RBFOX1: variants seen among roughly 807,000 people sequenced by gnomAD.
The protein encoded by RBFOX1 is RNA binding fox-1 homolog 1, also known as RNA binding protein fox-1 homolog 1.
RBFOX1 carries 8 observed loss-of-function variants against 57.7 expected under a neutral mutation model. The ratio of observed to expected loss-of-function variants is 0.14; its 90% CI spans 0.08 to 0.25. The LOEUF is 0.25. Ranked by LOEUF, RBFOX1 falls within the 10% of genes least tolerant of loss-of-function variation. The pLI is 1.00. For synonymous variants in RBFOX1, 326 were observed against 222.4 expected (o/e 1.47, Z -4.15); for missense variants, 611 against 548.5 (o/e 1.11, Z -1.14).
chr16:6,019,575 C>A lies in RBFOX1; in HGVS notation c.-544C>A. The A allele has an allele frequency of 1.7e-6, 2 of 1,169,252 alleles. No individual in the cohort carries two copies. Among genetic ancestry groups the A allele is most frequent in the Non-Finnish European group, 2.1e-6 (2 of 947,696 alleles). 72.4% of individuals were successfully genotyped at this position (1,169,252 alleles called of 1,614,324 possible). On this transcript the variant is annotated 5_prime_UTR_variant, in exon 1 of 16. Coordinates refer to ENST00000550418, the MANE Select transcript of RBFOX1 (RefSeq NM_018723.4). This position sits in a 1 kb window ranked among gnomAD's most constrained non-coding sequence, Gnocchi z 4.2. ...GGCGGCGGCACTGGCTGGACCCACG[C>A]GCGCGCCTCCGGGGCTGAAGAAGGA...
At position 5,842,630 on chromosome 16, in the gene RBFOX1, T is replaced by C. The variant is rs139303600; in HGVS notation, c.319-24673T>C. 4.7e-3 allele frequency among the ~76,000 whole-genome samples: 719 copies of C among 152,296 alleles called. 7 individuals carry two copies. Among genetic ancestry groups the C allele is most frequent in the African/African-American group, 0.017 (698 of 41,556 alleles). On this transcript the variant is annotated intron_variant, in intron 3 of 19. Transcript: ENST00000641259. ...TCTAGGTGCTGGGGATATTTAATAA[T>C]AGAAAATAATGAGGTCCATGCTCTT...
chr16:7,437,097 C>T (rs879857577), intron 4 of RBFOX1, among the ~76,000 whole-genome samples: 4 of 151,982 alleles, frequency 2.6e-5, no homozygotes, highest in East Asian at 1.9e-4. Context: ...TCTCCTGACA[C>T]CAGAAAGCCA....
chr16:7,230,274 A>G (rs866751135), intron 4 of RBFOX1, among the ~76,000 whole-genome samples: 51 of 152,116 alleles, frequency 3.4e-4, no homozygotes, highest in African/African-American at 1.2e-3. Context: ...AACAAACAGA[A>G]AGTACCTGCC....
At chr16:7,212,525 C>T (rs1200639277) in intron 4 of RBFOX1, among the ~76,000 whole-genome samples, 11 of 151,970 alleles carry the variant, frequency 7.2e-5, no homozygotes, top group Non-Finnish European at 1.0e-4. Context: ...TCAACAGCAC[C>T]AGAATAATGG....
At chr16:5,262,294 A>T (rs570384228) in intron 1 of RBFOX1, among the ~76,000 whole-genome samples, 6 of 152,154 alleles carry the variant, frequency 3.9e-5, no homozygotes, top group African/African-American at 9.7e-5. Context: ...GTTATTCTGG[A>T]TGTATCTCTG....
intron 3 of RBFOX1, among the ~76,000 whole-genome samples, chr16:5,662,915 G>C (rs1008262031): frequency 6.6e-6 from 1 of 152,226 alleles, no homozygotes; most frequent in African/African-American, 2.4e-5. Context: ...ATATCATGTA[G>C]CTGGGATAGT....
At chr16:7,649,129 T>C (rs2064385861) in intron 11 of RBFOX1, among the ~76,000 whole-genome samples, 1 of 152,062 alleles carries the variant, frequency 6.6e-6, no homozygotes, top group Non-Finnish European at 1.5e-5. Flanking sequence ...ATGGGGAAAG[T>C]ACAGCTACTC....
In RBFOX1 at chr16:5,962,708, T is replaced by C. The variant is rs117900868; in HGVS notation, c.351+95373T>C. Among the ~76,000 whole-genome samples, 157 of 152,290 alleles carry C rather than the reference T, an allele frequency of 1.0e-3. 1 individual carries two copies. The highest frequency in any genetic ancestry group is 4.8e-3 in the East Asian group (25 of 5,186). ...CTATTATTATCATTAAGAGTAATTA[T>C]AGTAAAAGTGGTAATAGTGTGTATA... is the stretch of plus-strand genomic sequence containing the variant. On this transcript the variant is annotated intron_variant, in intron 4 of 19. Transcript: ENST00000641259.
chr16:6,148,387 C>T (rs2096774311), intron 1 of RBFOX1, among the ~76,000 whole-genome samples: 1 of 152,176 alleles, frequency 6.6e-6, no homozygotes, highest in Non-Finnish European at 1.5e-5. Flanking sequence ...CATTTTGTTT[C>T]ACTTTTCTAT....
chr16:7,200,450 C>T (rs1486156288), intron 4 of RBFOX1, among the ~76,000 whole-genome samples: 1 of 152,194 alleles, frequency 6.6e-6, no homozygotes, highest in African/African-American at 2.4e-5. Flanking sequence ...TATTGCACCT[C>T]TATTTATGGT....
chr16:7,185,451 G>C (rs1254269001), intron 4 of RBFOX1, among the ~76,000 whole-genome samples: 1 of 152,164 alleles, frequency 6.6e-6, no homozygotes, highest in African/African-American at 2.4e-5. Flanking sequence ...CAAATGGTAA[G>C]ACTAGATTAG....
intron 3 of RBFOX1, among the ~76,000 whole-genome samples, chr16:5,724,831 T>A (rs1030167104): frequency 6.6e-6 from 1 of 152,142 alleles, no homozygotes; most frequent in Non-Finnish European, 1.5e-5. Flanking sequence ...ATAGATGGTA[T>A]CCCCGCCTTC....
intron 3 of RBFOX1, among the ~76,000 whole-genome samples, chr16:5,784,490 G>A (rs915573312): frequency 1.3e-5 from 2 of 151,904 alleles, no homozygotes; most frequent in Non-Finnish European, 2.9e-5. Context: ...GCAGAGAGAC[G>A]GGGGAGGTAC....
intron 3 of RBFOX1, among the ~76,000 whole-genome samples, chr16:5,681,714 T>A (rs1420615692): frequency 1.3e-5 from 2 of 152,044 alleles, no homozygotes; most frequent in African/African-American, 4.8e-5. Context: ...ATCTGAGACC[T>A]GTAGGATAAA....
At chr16:5,989,352 CAAA>C (rs572113967) in intron 4 of RBFOX1, among the ~76,000 whole-genome samples, 1 of 151,664 alleles carries the variant, frequency 6.6e-6, no homozygotes, top group African/African-American at 2.4e-5. Context: ...ACAAAACAAA[CAAA>C]AAAACCCCAA....
At position 7,659,719 on chromosome 16, in the gene RBFOX1, G is replaced by A. The variant is rs573309709; in HGVS notation, c.891-5210G>A. Among the ~76,000 whole-genome samples, 7 of 152,340 alleles carry A rather than the reference G, an allele frequency of 4.6e-5. No individual in the cohort carries two copies. The East Asian group carries it at 1.3e-3, about 29-fold the overall frequency. On this transcript the variant is annotated intron_variant, in intron 12 of 15. Coordinates refer to ENST00000550418, the MANE Select transcript of RBFOX1 (RefSeq NM_018723.4). ...GCGGTTTGGACAAGCTGCCTTTGCAGAATTCTTTTTATAAAGTGTGACTTC... is the reference window on the plus strand; with the variant it reads ...GCGGTTTGGACAAGCTGCCTTTGCAAAATTCTTTTTATAAAGTGTGACTTC...
chr16:7,519,833 T>C (rs1049104761), intron 5 of RBFOX1: 2 of 635,792 alleles, frequency 3.1e-6, no homozygotes, highest in Non-Finnish European at 3.9e-6. Flanking sequence ...TGACTAACTT[T>C]GCTACTTGCC....
At chr16:6,740,740 G>C (rs1049852186) in intron 3 of RBFOX1, among the ~76,000 whole-genome samples, 1 of 152,162 alleles carries the variant, frequency 6.6e-6, no homozygotes, top group Non-Finnish European at 1.5e-5. Flanking sequence ...AGATGGAAAA[G>C]CACAGTGTGT....
chr16:6,039,831 G>C (rs1216798521), intron 1 of RBFOX1, among the ~76,000 whole-genome samples: 1 of 152,230 alleles, frequency 6.6e-6, no homozygotes, highest in African/African-American at 2.4e-5. Flanking sequence ...CTGAGATGTT[G>C]GCTGGCGCTG....
Sources: gnomAD v4.1 joint callset for allele counts (sites outside exome capture counted in the v4.1 genomes callset) on GRCh38, gnomAD v4.1.1 for gene constraint, Gnocchi (gnomAD v3.1) non-coding constraint, MANE v1.5 for transcripts, NCBI Gene and HGNC (gene_info 2026-07-23, HGNC 2026-07-21) for gene names.